The following FBXW11 variants were observed in gnomAD, a reference collection of about 807,000 sequenced individuals.
FBXW11 encodes the protein F-box/WD repeat-containing protein 11.
In FBXW11, 19 loss-of-function variants were observed where a neutral mutation model predicts 77.6. The observed-to-expected ratio is 0.24, with a 90% CI of 0.17 to 0.36. The LOEUF (loss-of-function observed/expected upper bound fraction) is 0.36, where lower values mean the gene tolerates loss of function less well. FBXW11 is among the 10% of genes least tolerant of loss of function. The probability of loss-of-function intolerance (pLI) is 1.00; values close to 1 mark genes in which losing one functional copy is unlikely to be tolerated. For synonymous variants in FBXW11, 235 were observed against 249.4 expected (o/e 0.94, Z 0.54); for missense variants, 334 against 704.2 (o/e 0.47, Z 5.95).
intron 6 of FBXW11, among the ~76,000 whole-genome samples, chr5:171,894,656 T>A (rs534920613): frequency 2.0e-5 from 3 of 150,028 alleles, no homozygotes; most frequent in Non-Finnish European, 4.4e-5. Flanking sequence ...TCTGACAACC[T>A]TGACTCTTAC....
At chr5:171,885,637 T>C (rs1231013835) in intron 7 of FBXW11, among the ~76,000 whole-genome samples, 1 of 152,200 alleles carries the variant, frequency 6.6e-6, no homozygotes, top group Non-Finnish European at 1.5e-5. Context: ...TTTTAATCTT[T>C]CCAGTGTTCC....
chr5:171,916,396 C>T lies in FBXW11; in HGVS notation c.148-1991G>A, dbSNP rs1034052304. On this transcript the variant is annotated intron_variant, in intron 2 of 13. Coordinates refer to ENST00000517395, the MANE Select transcript of FBXW11 (RefSeq NM_001378974.1). ...CAGTAAAATCTTATAAACCCCACAG[C>T]ATCAAGGTCCACAATGAGGGAGAGG... is the stretch of plus-strand genomic sequence containing the variant. 48 of 972,722 alleles carry T rather than the reference C, an allele frequency of 4.9e-5. No individual in the cohort carries two copies. The African/African-American group carries it at 8.3e-4, about 17-fold the overall frequency. 60.3% of individuals were successfully genotyped at this position (972,722 alleles called of 1,614,324 possible).
intron 1 of FBXW11, among the ~76,000 whole-genome samples, chr5:171,972,825 G>A (rs187448080): frequency 2.0e-5 from 3 of 152,254 alleles, no homozygotes; most frequent in Non-Finnish European, 2.9e-5. Flanking sequence ...GATTACAGGC[G>A]TGAGCCACCG....
At chr5:171,909,084 C>T (rs1760716230) in intron 4 of FBXW11, among the ~76,000 whole-genome samples, 2 of 152,058 alleles carry the variant, frequency 1.3e-5, no homozygotes, top group African/African-American at 4.8e-5. Context: ...CTATATCTTA[C>T]CTAGCCAAAT....
At position 171,944,999 on chromosome 5, in the gene FBXW11, A is replaced by T. The variant is rs1314052367; in HGVS notation, c.147+12598T>A. Reference sequence around the variant, plus strand: ...TACTACCTGCTGGGACTGTTTTAGAAACAGATGTGTTTACCAAGCAGTGAA... The same window carrying T: ...TACTACCTGCTGGGACTGTTTTAGATACAGATGTGTTTACCAAGCAGTGAA... On this transcript the variant is annotated intron_variant, in intron 2 of 13. Transcript: ENST00000517395. Among the ~76,000 whole-genome samples, 15 of 152,326 alleles carry T rather than the reference A, an allele frequency of 9.8e-5. 1 individual carries two copies. In the South Asian group the frequency reaches 2.5e-3, roughly 25 times the overall value.
intron 7 of FBXW11, among the ~76,000 whole-genome samples, chr5:171,880,827 G>C (rs1011523324): frequency 1.4e-4 from 21 of 152,034 alleles, no homozygotes; most frequent in African/African-American, 4.6e-4. Flanking sequence ...CTCCTGAGTA[G>C]CAGGACTATA....
intron 1 of FBXW11, among the ~76,000 whole-genome samples, chr5:171,983,387 G>T (rs1296275271): frequency 2.0e-5 from 3 of 152,032 alleles, no homozygotes; most frequent in Non-Finnish European, 4.4e-5. Flanking sequence ...TGAATTCTGT[G>T]AGCCTTTCCA....
chr5:171,980,641 C>T (rs1318924540), intron 1 of FBXW11, among the ~76,000 whole-genome samples: 3 of 152,140 alleles, frequency 2.0e-5, no homozygotes, highest in Non-Finnish European at 4.4e-5. Flanking sequence ...CATTTCACAC[C>T]TATGAGAATG....
At chr5:171,913,997 A>C (rs1029536409) in intron 3 of FBXW11, among the ~76,000 whole-genome samples, 1 of 152,158 alleles carries the variant, frequency 6.6e-6, no homozygotes, top group Admixed American at 6.5e-5. Context: ...TTGAGAGCAA[A>C]AGGAGAAAAG....
intron 1 of FBXW11, among the ~76,000 whole-genome samples, chr5:171,968,447 ACT>A (rs1461624299): frequency 8.5e-6 from 1 of 117,784 alleles, no homozygotes; most frequent in African/African-American, 2.9e-5. Context: ...AAAGAGCCAG[ACT>A]CTGTCTCAAA....
intron 1 of FBXW11, among the ~76,000 whole-genome samples, chr5:171,990,584 T>C (rs1026348539): frequency 1.3e-5 from 2 of 152,168 alleles, no homozygotes; most frequent in South Asian, 2.1e-4. Flanking sequence ...CATGCATCAG[T>C]CCAAACTGGT....
intron 1 of FBXW11, among the ~76,000 whole-genome samples, chr5:171,972,482 C>CA (rs1764587857): frequency 1.0e-5 from 1 of 99,854 alleles, no homozygotes; most frequent in Admixed American, 1.6e-4. Flanking sequence ...CCCTGGGCAA[C>CA]AGAGTGAGAC....
intron 5 of FBXW11, among the ~76,000 whole-genome samples, chr5:171,899,330 C>T (rs1035580033): frequency 5.9e-5 from 9 of 152,156 alleles, no homozygotes; most frequent in African/African-American, 2.2e-4. Context: ...ACAATCTAGC[C>T]TTTCATTCCA....
At chr5:171,952,866 G>A (rs1345947187) in intron 2 of FBXW11, among the ~76,000 whole-genome samples, 5 of 151,282 alleles carry the variant, frequency 3.3e-5, no homozygotes, top group South Asian at 4.2e-4. Context: ...TTTTTCTTTC[G>A]CAATTTTTTT....
chr5:171,903,603 C>T (rs574885009), intron 4 of FBXW11, among the ~76,000 whole-genome samples: 14 of 152,252 alleles, frequency 9.2e-5, no homozygotes, highest in African/African-American at 2.9e-4. Context: ...ATCTTTCTAA[C>T]GCTGGGGTAC....
At chr5:171,909,593 T>G (rs929213040) in intron 4 of FBXW11, among the ~76,000 whole-genome samples, 3 of 152,210 alleles carry the variant, frequency 2.0e-5, no homozygotes. Context: ...AATATGGGAA[T>G]TCTCTGCATT....
chr5:171,951,785 C>G (rs1763331605), intron 2 of FBXW11, among the ~76,000 whole-genome samples: 1 of 151,864 alleles, frequency 6.6e-6, no homozygotes, highest in Non-Finnish European at 1.5e-5. Flanking sequence ...TTTTTAATTT[C>G]TTGAAGCTTG....
At position 171,869,767 on chromosome 5, in the gene FBXW11, G is replaced by C; in HGVS notation, c.1492C>G (p.Arg498Gly). The C allele has an allele frequency of 6.2e-7, 1 of 1,610,800 alleles. No homozygotes were observed. Among genetic ancestry groups the C allele is most frequent in the Non-Finnish European group, 8.5e-7 (1 of 1,178,182 alleles). The part of the protein sequence containing the change: ...VWDLQAALDP[R>G]APASTLCLRT... ...AAACACAATGTGCTTGCTGGGGCTC[G>C]AGGGTCAAGAGCAGCTTGCAAGTCC... Residue 498 changes from arginine (R) to glycine (G), a missense_variant, in exon 12 of 14, where the codon CGA becomes GGA. Arg to Gly is a moderately radical substitution (Grantham distance 125, BLOSUM62 -2). This residue lies in a region of FBXW11 where 30 missense variants were observed against 50.7 expected (regional missense o/e 0.59). Transcript: ENST00000517395. This position sits in a 1 kb window ranked among gnomAD's most constrained non-coding sequence, Gnocchi z 4.1.
At chr5:171,910,068 T>C (rs1387372712) in intron 4 of FBXW11, among the ~76,000 whole-genome samples, 1 of 148,720 alleles carries the variant, frequency 6.7e-6, no homozygotes, top group Admixed American at 6.7e-5. Flanking sequence ...ACACTTTTTT[T>C]TTTTTTTTTT....
Sources: allele counts gnomAD v4.1 joint callset (sites outside exome capture counted in the v4.1 genomes callset), GRCh38; gene constraint gnomAD v4.1.1; regional missense constraint gnomAD v4.1.1; non-coding constraint Gnocchi (gnomAD v3.1); transcripts MANE v1.5; gene names NCBI Gene and HGNC (gene_info 2026-07-23, HGNC 2026-07-21).